TBC1D19: variants seen among roughly 807,000 people sequenced by gnomAD.
TBC1D19 encodes TBC1 domain family, member 19.
In TBC1D19, 60 loss-of-function variants were observed where a neutral mutation model predicts 89.0. That is an observed-to-expected ratio of 0.67 (90% confidence interval 0.55 to 0.84). The LOEUF (loss-of-function observed/expected upper bound fraction) is 0.84, where lower values mean the gene tolerates loss of function less well. TBC1D19 is among the 40% of genes least tolerant of loss of function. The probability of loss-of-function intolerance (pLI) is 0.00; values close to 1 mark genes in which losing one functional copy is unlikely to be tolerated. For synonymous variants in TBC1D19, 189 were observed against 199.7 expected (o/e 0.95, Z 0.45); for missense variants, 500 against 610.8 (o/e 0.82, Z 1.91).
At chr4:26,688,450 T>A in intron 13 of TBC1D19, 43 bp downstream of exon 13, 1 of 1,481,294 alleles carries the variant, frequency 6.8e-7, no homozygotes, top group Non-Finnish European at 9.0e-7. Flanking sequence ...TGTTTTAGGT[T>A]CTCTATATCA....
At chr4:26,765,583 G>A in the TBC1D19 span, among the ~76,000 whole-genome samples, 5 of 152,074 alleles carry the variant, frequency 3.3e-5, no homozygotes, top group Admixed American at 6.6e-5. Flanking sequence ...TGGAATAAAC[G>A]GGGATGTGTA....
At chr4:26,748,998 A>G (rs537508579) in intron 19 of TBC1D19, among the ~76,000 whole-genome samples, 1 of 152,328 alleles carries the variant, frequency 6.6e-6, no homozygotes, top group African/African-American at 2.4e-5. Context: ...AATGAAGTTA[A>G]AACCTTTTCC....
rs1743392910 is a variant in TBC1D19 at position 26,640,022 on chromosome 4, C to G, written c.434-119C>G. 5 of 711,652 alleles carry G rather than the reference C, an allele frequency of 7.0e-6. No individual in the cohort carries two copies. In the East Asian group the frequency reaches 1.4e-4, roughly 20 times the overall value. The allele number at this position is 711,652 out of a possible 1,614,324, so 44.1% of individuals were successfully genotyped here. On this transcript the variant is annotated intron_variant, in intron 6 of 20. Transcript: ENST00000264866. ...GTACTTAATGCAGTGTATGCATTCT[C>G]AAGAAATGTTTGAATTAATCTATCT...
chr4:26,813,021 C>A, the TBC1D19 span, among the ~76,000 whole-genome samples: 1 of 151,796 alleles, frequency 6.6e-6, no homozygotes, highest in Non-Finnish European at 1.5e-5. Flanking sequence ...AGTTTGAGAC[C>A]AGCCTGGACA....
Position 26,739,905 on chromosome 4 carries a change from T to C in TBC1D19, c.1159T>C (p.Tyr387His), listed in dbSNP as rs769114111. ...TCTATACCATGAACCTTCCAAATTG[T>C]ATCAGATATTCCGTGAGATGTATGT... ...CFLYHEPSKLYQIFREMYVRF... is the reference protein window; with the variant it reads ...CFLYHEPSKLHQIFREMYVRF... The change falls in exon 17 of 21, where the codon TAT becomes CAT. Residue 387 changes from tyrosine (Y) to histidine (H), a missense_variant. Coordinates refer to ENST00000264866, the MANE Select transcript of TBC1D19 (RefSeq NM_018317.4). 6.3e-7 allele frequency: 1 copy of C among 1,599,330 alleles called. No individual in the cohort carries two copies. Among genetic ancestry groups the C allele is most frequent in the East Asian group, 2.3e-5 (1 of 43,778 alleles).
chr4:26,661,652 G>A (rs928715811), intron 8 of TBC1D19, among the ~76,000 whole-genome samples: 1 of 152,112 alleles, frequency 6.6e-6, no homozygotes, highest in Non-Finnish European at 1.5e-5. Context: ...CCACTAATAG[G>A]CATTTCAGGT....
intron 4 of TBC1D19, among the ~76,000 whole-genome samples, chr4:26,628,145 T>A (rs2110053058): frequency 6.6e-6 from 1 of 152,310 alleles, no homozygotes; most frequent in South Asian, 2.1e-4. Flanking sequence ...AAATAGGGAA[T>A]CCTTTCCCCA....
chr4:26,654,942 A>G (rs1297814322), intron 7 of TBC1D19, among the ~76,000 whole-genome samples: 1 of 152,306 alleles, frequency 6.6e-6, no homozygotes, highest in Non-Finnish European at 1.5e-5. Context: ...TGGAGGGGGA[A>G]AGGCACTCGA....
intron 3 of TBC1D19, among the ~76,000 whole-genome samples, chr4:26,614,798 C>T (rs1253327438): frequency 6.6e-6 from 1 of 152,098 alleles, no homozygotes; most frequent in Non-Finnish European, 1.5e-5. Flanking sequence ...GTGCCTCAGG[C>T]TCCCAAGTTG....
At chr4:26,852,049 C>T in the TBC1D19 span, among the ~76,000 whole-genome samples, 35 of 152,262 alleles carry the variant, frequency 2.3e-4, no homozygotes, top group African/African-American at 8.2e-4. Flanking sequence ...TATCCAATTA[C>T]TTACTGATGT....
chr4:26,640,269 A>AGG, intron 7 of TBC1D19, 82 bp downstream of exon 7: 1 of 1,170,900 alleles, frequency 8.5e-7, no homozygotes, highest in Non-Finnish European at 1.3e-6. Context: ...ATCAAGGCAG[A>AGG]GGGATTAGCA....
intron 15 of TBC1D19, among the ~76,000 whole-genome samples, chr4:26,720,884 T>C (rs1716929894): frequency 6.6e-6 from 1 of 152,118 alleles, no homozygotes; most frequent in Non-Finnish European, 1.5e-5. Flanking sequence ...TGAGATATGG[T>C]ATATAAAACC....
the TBC1D19 span, among the ~76,000 whole-genome samples, chr4:26,808,144 A>G: frequency 1.3e-5 from 2 of 152,226 alleles, no homozygotes; most frequent in African/African-American, 4.8e-5. Context: ...GAGTGCATTT[A>G]TGCTTGTTGT....
intron 1 of TBC1D19, among the ~76,000 whole-genome samples, chr4:26,599,592 A>G (rs548171518): frequency 7.2e-4 from 109 of 152,242 alleles, no homozygotes; most frequent in Non-Finnish European, 1.1e-3. Flanking sequence ...TGTGTTCTCT[A>G]GAAAAGGGCT....
the TBC1D19 span, among the ~76,000 whole-genome samples, chr4:26,830,098 G>A: frequency 5.9e-5 from 9 of 152,302 alleles, no homozygotes; most frequent in African/African-American, 2.2e-4. Flanking sequence ...GCCCATAAAA[G>A]TGTAAGAAGT....
the TBC1D19 span, among the ~76,000 whole-genome samples, chr4:26,806,017 G>A: frequency 3.3e-5 from 5 of 151,812 alleles, no homozygotes; most frequent in East Asian, 1.9e-4. Flanking sequence ...TCCTCACCAC[G>A]GCCTCAGAGG....
chr4:26,734,930 A>G lies in TBC1D19; in HGVS notation c.1085-525A>G, dbSNP rs963431551. 8.8e-4 allele frequency among the ~76,000 whole-genome samples: 66 copies of G among 75,006 alleles called. No homozygotes were observed. The South Asian group carries it at 0.014, about 16-fold the overall frequency. The allele number at this position is 75,006 out of a possible 152,430, so 49.2% of individuals were successfully genotyped here. A position where few individuals can be genotyped will look rare whatever the true frequency, so the allele number is the denominator to read the frequency against. On this transcript the variant is annotated intron_variant, in intron 15 of 20. Coordinates refer to ENST00000264866, the MANE Select transcript of TBC1D19 (RefSeq NM_018317.4). ...TACACACATGTGTACATACACATAT[A>G]TGTGTGTATATATGTATACACATAT...
chr4:26,780,624 C>T, the TBC1D19 span, among the ~76,000 whole-genome samples: 1 of 152,244 alleles, frequency 6.6e-6, no homozygotes, highest in African/African-American at 2.4e-5. Context: ...ACCCACAGTG[C>T]AATCTGTTTC....
At chr4:26,780,097 C>A in the TBC1D19 span, among the ~76,000 whole-genome samples, 1 of 152,180 alleles carries the variant, frequency 6.6e-6, no homozygotes, top group Non-Finnish European at 1.5e-5. Context: ...AAAAGTTAAC[C>A]TCTACAGAAG....
Sources: gnomAD v4.1 joint callset for allele counts (sites outside exome capture counted in the v4.1 genomes callset) on GRCh38, gnomAD v4.1.1 for gene constraint, MANE v1.5 for transcripts, NCBI Gene and HGNC (gene_info 2026-07-23, HGNC 2026-07-21) for gene names.